GRIP1: variants seen among roughly 807,000 people sequenced by gnomAD.
GRIP1 encodes glutamate receptor-interacting protein 1.
A neutral mutation model predicts 129.9 loss-of-function variants in GRIP1; 45 were observed. The ratio of observed to expected loss-of-function variants is 0.35; its 90% confidence interval spans 0.27 to 0.44. The LOEUF (loss-of-function observed/expected upper bound fraction) is 0.44, where lower values mean the gene tolerates loss of function less well. Ranked by LOEUF, GRIP1 falls within the 20% of genes least tolerant of loss-of-function variation. GRIP1 has a pLI of 1.00. For synonymous variants in GRIP1, 530 were observed against 520.8 expected (o/e 1.02, Z -0.24); for missense variants, 1,196 against 1,396.8 (o/e 0.86, Z 2.29).
chr12:66,632,547 A>T (rs1374546086), intron 1 of GRIP1, among the ~76,000 whole-genome samples: 1 of 152,130 alleles, frequency 6.6e-6, no homozygotes, highest in Non-Finnish European at 1.5e-5. Flanking sequence ...TTTTCCAGTG[A>T]GAACCAAATT....
Position 66,379,448 on chromosome 12 carries a change from A to G in GRIP1, c.2465-12T>C, listed in dbSNP as rs2137381123. The G allele has an allele frequency of 6.2e-7, 1 of 1,613,800 alleles. No homozygotes were observed. The highest frequency in any genetic ancestry group is 1.3e-5 in the African/African-American group (1 of 75,032). On this transcript the variant is annotated splice_polypyrimidine_tract_variant and intron_variant, in intron 19 of 24. Coordinates refer to ENST00000359742, the MANE Select transcript of GRIP1 (RefSeq NM_001366722.1). Reference sequence around the variant, plus strand: ...CTGAAAACTAGTGCCTAAAATATAAACAAGGTGTTAGCATTGGGCCCAAGG... The same window carrying G: ...CTGAAAACTAGTGCCTAAAATATAAGCAAGGTGTTAGCATTGGGCCCAAGG...
intron 1 of GRIP1, among the ~76,000 whole-genome samples, chr12:66,983,907 G>A (rs2135604965): frequency 6.6e-6 from 1 of 152,220 alleles, no homozygotes; most frequent in South Asian, 2.1e-4. Context: ...TCTGACTCCA[G>A]GCAGGAAGCA....
chr12:67,027,417 C>A (rs974502692), intron 1 of GRIP1, among the ~76,000 whole-genome samples: 1 of 152,168 alleles, frequency 6.6e-6, no homozygotes, highest in Non-Finnish European at 1.5e-5. Context: ...CCTACCAGTC[C>A]GTCCATCCAT....
chr12:66,718,488 A>C (rs1298216381), intron 1 of GRIP1, among the ~76,000 whole-genome samples: 2 of 152,198 alleles, frequency 1.3e-5, no homozygotes, highest in Non-Finnish European at 2.9e-5. Context: ...TTCCATGATC[A>C]ATTAAGTTTG....
intron 5 of GRIP1, among the ~76,000 whole-genome samples, chr12:66,522,689 G>A (rs1413947454): frequency 6.6e-6 from 1 of 152,196 alleles, no homozygotes; most frequent in Admixed American, 6.5e-5. Flanking sequence ...GATGGAGAAT[G>A]ACAAGTTGAG....
At chr12:66,745,762 T>C (rs1347458784) in intron 1 of GRIP1, among the ~76,000 whole-genome samples, 1 of 152,140 alleles carries the variant, frequency 6.6e-6, no homozygotes, top group Non-Finnish European at 1.5e-5. Flanking sequence ...GTAAAGATAG[T>C]ACAGCGTACT....
intron 1 of GRIP1, among the ~76,000 whole-genome samples, chr12:67,019,015 C>T (rs2042827158): frequency 6.6e-6 from 1 of 152,044 alleles, no homozygotes; most frequent in Non-Finnish European, 1.5e-5. Context: ...GACTTAAATT[C>T]ACATTATTAA....
intron 1 of GRIP1, among the ~76,000 whole-genome samples, chr12:66,965,339 T>C (rs916912045): frequency 8.0e-5 from 12 of 150,756 alleles, no homozygotes; most frequent in Non-Finnish European, 1.5e-4. Context: ...TCTAACACCT[T>C]TTCTGGTTTT....
At chr12:66,711,370 A>G (rs950033375) in intron 1 of GRIP1, among the ~76,000 whole-genome samples, 19 of 151,952 alleles carry the variant, frequency 1.3e-4, no homozygotes, top group African/African-American at 4.6e-4. Context: ...TTTATACCAA[A>G]AATTAAATAC....
Position 67,066,888 on chromosome 12 carries a change from TTATA to T in GRIP1, c.58+2158_58+2161del, listed in dbSNP as rs1555170033. ...TAGGCAGCTCAGTTTAAATATATAT[TTATA>T]TATATATATATATATATATACACAC... On this transcript the variant is annotated intron_variant, in intron 1 of 1. Coordinates refer to the GRIP1 transcript ENST00000643019. 3.0e-3 allele frequency among the ~76,000 whole-genome samples: 377 copies of T among 125,642 alleles called. 8 individuals are homozygous for T. Among genetic ancestry groups the T allele is most frequent in the African/African-American group, 0.01 (347 of 34,300 alleles). 82.4% of individuals were successfully genotyped at this position (125,642 alleles called of 152,430 possible). A position where few individuals can be genotyped will look rare whatever the true frequency, so the allele number is the denominator to read the frequency against.
At chr12:66,637,278 G>A (rs1323292327) in intron 1 of GRIP1, among the ~76,000 whole-genome samples, 2 of 152,032 alleles carry the variant, frequency 1.3e-5, no homozygotes, top group Admixed American at 6.5e-5. Context: ...CCTTATATTT[G>A]GGAAGATAAA....
intron 1 of GRIP1, among the ~76,000 whole-genome samples, chr12:66,695,208 T>C (rs2035113876): frequency 6.6e-6 from 1 of 151,634 alleles, no homozygotes; most frequent in Non-Finnish European, 1.5e-5. Context: ...GGAGCCTTGC[T>C]CATAGGGGGA....
At chr12:66,696,804 C>CAAAAA (rs35445606) in intron 1 of GRIP1, among the ~76,000 whole-genome samples, 28 of 103,746 alleles carry the variant, frequency 2.7e-4, no homozygotes, top group African/African-American at 9.7e-4. Context: ...GACTCTGTCT[C>CAAAAA]AAAAAAAAAA....
At position 66,738,085 on chromosome 12, in the gene GRIP1, G is replaced by A. The variant is rs2136539344; in HGVS notation, c.-420+65968C>T. Among the ~76,000 whole-genome samples the A allele has an allele frequency of 1.3e-5, 2 of 152,298 alleles. 1 individual carries two copies. Among genetic ancestry groups the A allele is most frequent in the South Asian group, 4.1e-4 (2 of 4,828 alleles). On this transcript the variant is annotated intron_variant, in intron 1 of 4. Coordinates refer to the GRIP1 transcript ENST00000538373. The stretch of plus-strand genomic sequence containing the variant: ...CTGGAAGGCCTGGGGGCAGAGAGAA[G>A]CACAGGTGTTGAAGGACTGGGAAGA...
chr12:66,460,519 T>G (rs2059105470), intron 9 of GRIP1, among the ~76,000 whole-genome samples: 1 of 152,212 alleles, frequency 6.6e-6, no homozygotes. Context: ...AATCCAATTA[T>G]GTCTCCTGAA....
intron 1 of GRIP1, among the ~76,000 whole-genome samples, chr12:66,622,887 T>G (rs1447479223): frequency 6.6e-6 from 1 of 152,190 alleles, no homozygotes; most frequent in Non-Finnish European, 1.5e-5. Context: ...GTGAAAGGGT[T>G]GATGTGCTAG....
chr12:66,663,132 A>G (rs974799197), intron 1 of GRIP1, among the ~76,000 whole-genome samples: 42 of 152,340 alleles, frequency 2.8e-4, no homozygotes, highest in African/African-American at 1.0e-3. Flanking sequence ...CACAAGCTCT[A>G]CCAAATTGAA....
chr12:67,030,119 G>A (rs1314344496), intron 1 of GRIP1, among the ~76,000 whole-genome samples: 2 of 151,088 alleles, frequency 1.3e-5, no homozygotes, highest in African/African-American at 4.9e-5. Flanking sequence ...GCTGAGGCAG[G>A]AGAATGGCAT....
intron 2 of GRIP1, chr12:66,571,207 C>T (rs2062948194): frequency 6.6e-6 from 1 of 152,122 alleles, no homozygotes; most frequent in Non-Finnish European, 1.5e-5. Context: ...GCTCAAGTAG[C>T]CTGTGAAAGT....
Sources: allele counts gnomAD v4.1 joint callset (sites outside exome capture counted in the v4.1 genomes callset), GRCh38; gene constraint gnomAD v4.1.1; transcripts MANE v1.5; gene names NCBI Gene and HGNC (gene_info 2026-07-23, HGNC 2026-07-21).